Variants in ADGRL2 observed in about 807,000 individuals in gnomAD.
The protein encoded by ADGRL2 is calcium-independent alpha-latrotoxin receptor 2.
In ADGRL2, 44 loss-of-function variants were observed where a neutral mutation model predicts 157.4. The observed-to-expected ratio is 0.28, with a 90% CI of 0.22 to 0.36. ADGRL2 has a LOEUF of 0.36. Ranked by LOEUF, ADGRL2 falls within the 10% of genes least tolerant of loss-of-function variation. The pLI, the probability that ADGRL2 is intolerant of heterozygous loss-of-function variation, is 1.00. For missense variants in ADGRL2, 1,510 were observed against 1,768.9 expected (o/e 0.85, Z 2.63); for synonymous variants, 585 against 624.7 (o/e 0.94, Z 0.95).
intron 2 of ADGRL2, among the ~76,000 whole-genome samples, chr1:81,452,084 C>T (rs2077713236): frequency 1.3e-5 from 2 of 152,148 alleles, no homozygotes; most frequent in South Asian, 4.1e-4. Context: ...TCCACCCCAG[C>T]TTATTTTAAC....
chr1:81,755,847 A>G (rs1209290500), intron 1 of ADGRL2, among the ~76,000 whole-genome samples: 1 of 152,096 alleles, frequency 6.6e-6, no homozygotes, highest in Non-Finnish European at 1.5e-5. Context: ...GACTCTATCT[A>G]GCTTCAAGGA....
At chr1:81,760,634 A>C (rs1193689413) in intron 1 of ADGRL2, among the ~76,000 whole-genome samples, 1 of 151,972 alleles carries the variant, frequency 6.6e-6, no homozygotes, top group African/African-American at 2.4e-5. Context: ...AAAAAAGTAT[A>C]CTAAAGCCAA....
chr1:81,961,765 C>T (rs572967269), intron 11 of ADGRL2, among the ~76,000 whole-genome samples: 2 of 152,236 alleles, frequency 1.3e-5, no homozygotes, highest in South Asian at 2.1e-4. Flanking sequence ...CTGCCTCAGC[C>T]TCCCAAAGTG....
At chr1:81,370,180 A>T (rs2076137489) in intron 1 of ADGRL2, among the ~76,000 whole-genome samples, 1 of 152,188 alleles carries the variant, frequency 6.6e-6, no homozygotes. Flanking sequence ...ATGTTTCCAT[A>T]CATTTAGGTG....
At chr1:81,515,579 T>C (rs1416419777) in intron 2 of ADGRL2, among the ~76,000 whole-genome samples, 1 of 152,210 alleles carries the variant, frequency 6.6e-6, no homozygotes, top group Non-Finnish European at 1.5e-5. Flanking sequence ...TGTGGGCTCT[T>C]TTATAGTTTT....
chr1:81,529,411 G>A (rs931852992), intron 2 of ADGRL2, among the ~76,000 whole-genome samples: 4 of 152,218 alleles, frequency 2.6e-5, no homozygotes, highest in Admixed American at 6.5e-5. Context: ...AGAATAAGCA[G>A]CATGTTTCAG....
At chr1:81,555,524 C>T (rs1023994308) in intron 2 of ADGRL2, among the ~76,000 whole-genome samples, 3 of 152,038 alleles carry the variant, frequency 2.0e-5, no homozygotes, top group Non-Finnish European at 4.4e-5. Context: ...CTGCTTTGGC[C>T]TCCCAAAGTG....
intron 13 of ADGRL2, among the ~76,000 whole-genome samples, chr1:81,966,823 T>A (rs1473746661): frequency 6.6e-6 from 1 of 152,196 alleles, no homozygotes; most frequent in Non-Finnish European, 1.5e-5. Context: ...GGTTCAGTGA[T>A]TATTAGAACT....
chr1:81,673,568 G>T (rs1164209527), intron 3 of ADGRL2, among the ~76,000 whole-genome samples: 6 of 139,292 alleles, frequency 4.3e-5, no homozygotes, highest in African/African-American at 1.4e-4. Flanking sequence ...AGACTGGAGT[G>T]CAGTGGCGCG....
intron 1 of ADGRL2, among the ~76,000 whole-genome samples, chr1:81,720,879 T>G (rs1396670691): frequency 6.7e-6 from 1 of 150,072 alleles, no homozygotes; most frequent in Non-Finnish European, 1.5e-5. Context: ...TTAACATATA[T>G]TTATGTTTAT....
intron 1 of ADGRL2, among the ~76,000 whole-genome samples, chr1:81,421,272 A>G (rs921764503): frequency 2.0e-5 from 3 of 152,200 alleles, no homozygotes; most frequent in African/African-American, 7.2e-5. Flanking sequence ...GGTTTGTTTT[A>G]CTATTGATCC....
intron 3 of ADGRL2, among the ~76,000 whole-genome samples, chr1:81,921,338 AAT>A (rs2148604776): frequency 6.6e-6 from 1 of 152,310 alleles, no homozygotes; most frequent in East Asian, 1.9e-4. Flanking sequence ...TCAGTCTATT[AAT>A]ATGTTTAGTT....
intron 1 of ADGRL2, among the ~76,000 whole-genome samples, chr1:81,831,620 A>G (rs1294619943): frequency 1.3e-5 from 2 of 151,990 alleles, no homozygotes; most frequent in African/African-American, 2.4e-5. Context: ...TAAAATGGAT[A>G]TATTTCTTAA....
At chr1:81,731,376 C>A (rs1330841426) in intron 1 of ADGRL2, among the ~76,000 whole-genome samples, 1 of 152,112 alleles carries the variant, frequency 6.6e-6, no homozygotes, top group Non-Finnish European at 1.5e-5. Context: ...CTTACCTATA[C>A]CAAATGAGAA....
In ADGRL2 at chr1:81,813,004, A is replaced by G. The variant is rs113918775; in HGVS notation, c.-101+11936A>G. Among the ~76,000 whole-genome samples the G allele has an allele frequency of 8.1e-3, 1,228 of 151,814 alleles. 15 individuals carry two copies. Among genetic ancestry groups the G allele is most frequent in the African/African-American group, 0.028 (1,176 of 41,510 alleles). On this transcript the variant is annotated intron_variant, in intron 1 of 23. Transcript: ENST00000686636. ...CCAGATACTTAGGGAAGTACTTGAG[A>G]GTTTTTCATTCGGGTGTTTAGGTAA...
intron 16 of ADGRL2, 114 bp from the exon 17 acceptor site, chr1:81,971,738 T>G (rs1311145500): frequency 3.4e-6 from 2 of 583,842 alleles, no homozygotes; most frequent in Non-Finnish European, 6.1e-6. Flanking sequence ...AAATGAATCT[T>G]CAAAGGCAAA....
intron 1 of ADGRL2, among the ~76,000 whole-genome samples, chr1:81,421,426 G>A (rs892061833): frequency 3.9e-5 from 6 of 152,168 alleles, no homozygotes; most frequent in African/African-American, 1.4e-4. Flanking sequence ...ACTTGCATTA[G>A]GCAGCAGAAT....
chr1:81,682,527 A>G (rs892801472), intron 3 of ADGRL2, among the ~76,000 whole-genome samples: 1 of 152,136 alleles, frequency 6.6e-6, no homozygotes, highest in Non-Finnish European at 1.5e-5. Context: ...ACGTGGCTGC[A>G]TGTCATCTGG....
At chr1:81,671,761 C>G (rs1403846936) in intron 3 of ADGRL2, among the ~76,000 whole-genome samples, 3 of 152,336 alleles carry the variant, frequency 2.0e-5, no homozygotes, top group Non-Finnish European at 2.9e-5. Flanking sequence ...GATCCACCCA[C>G]CTTGGCCTCC....
Sources: gnomAD v4.1 joint callset for allele counts (sites outside exome capture counted in the v4.1 genomes callset) on GRCh38, gnomAD v4.1.1 for gene constraint, MANE v1.5 for transcripts, NCBI Gene and HGNC (gene_info 2026-07-23, HGNC 2026-07-21) for gene names.